The following PRRT4 variants were observed in gnomAD, a reference collection of about 807,000 sequenced individuals.
PRRT4 encodes proline rich transmembrane protein 4, also known as proline-rich transmembrane protein 4.
In PRRT4, 59 loss-of-function variants were observed where a neutral mutation model predicts 55.6. That is an observed-to-expected ratio of 1.06 (90% CI 0.86 to 1.32). The LOEUF (loss-of-function observed/expected upper bound fraction) is 1.32. Ranked by LOEUF, PRRT4 falls within the 40% of genes most tolerant of loss-of-function variation. The pLI is 0.00. For missense variants in PRRT4, 1,217 were observed against 1,222.0 expected (o/e 1.00, Z 0.06); for synonymous variants, 606 against 601.8 (o/e 1.01, Z -0.10).
chr7:128,359,707 A>C (rs1328354327), exon 2 of PRRT4: 2 of 1,551,436 alleles, frequency 1.3e-6, no homozygotes, highest in Non-Finnish European at 1.7e-6. Flanking sequence ...AAAGGGGGTC[A>C]GTCCTCAGCC....
chr7:128,361,673 T>C (rs1797263137), exon 1 of PRRT4: 1 of 152,206 alleles, frequency 6.6e-6, no homozygotes, highest in Non-Finnish European at 1.5e-5. Context: ...GCGCCGGGGC[T>C]CCGCGGCAGC....
chr7:128,351,990 C>A, exon 5 of PRRT4: 1 of 1,307,246 alleles, frequency 7.6e-7, no homozygotes, highest in Non-Finnish European at 9.7e-7. Flanking sequence ...CCCGCCGCCG[C>A]CGCCCGCCCC....
At chr7:128,361,103 T>TCTCTCTCA (rs1450661437) in intron 1 of PRRT4, among the ~76,000 whole-genome samples, 6 of 77,510 alleles carry the variant, frequency 7.7e-5, no homozygotes, top group African/African-American at 2.9e-4. Context: ...TCTCTCTCTC[T>TCTCTCTCA]CACACACACA....
intron 1 of PRRT4, among the ~76,000 whole-genome samples, chr7:128,360,688 G>GCTGGGC (rs1178406622): frequency 6.6e-6 from 1 of 152,122 alleles, no homozygotes; most frequent in Non-Finnish European, 1.5e-5. Context: ...GTTTCCTGGG[G>GCTGGGC]CTGGGCCTGT....
rs1381455603 is a variant in PRRT4 at position 128,352,189 on chromosome 7, G to A, written c.1367C>T (p.Ala456Val). ...GGGGCACCGCGGCGGGCGCGGCCGG[G>A]CCAGCAGCAGGCAGGCCAGCCCCAG... The change falls in exon 5 of 5, where the codon GCC becomes GTC. Residue 456 changes from alanine to valine, a missense_variant. By Grantham distance (64) the Ala-to-Val change is moderately conservative. Around this residue, in one of 3 missense-constraint regions of PRRT4, gnomAD observed 564 missense variants for 592.9 expected, o/e 0.95. Coordinates refer to ENST00000535159, the Ensembl canonical transcript of PRRT4. 13 of 1,474,746 alleles carry A rather than the reference G, an allele frequency of 8.8e-6. No homozygotes were observed. The South Asian group carries it at 1.5e-4, about 17-fold the overall frequency. The allele number at this position is 1,474,746 out of a possible 1,614,324, so 91.4% of individuals were successfully genotyped here.
rs1251431917 is a variant in PRRT4, at chr7:128,351,876, C to G, written c.1680G>C (p.Thr560=). Residue 560 remains threonine (T), a synonymous_variant, in exon 5 of 5, where the codon ACG becomes ACC. Coordinates refer to ENST00000535159, the Ensembl canonical transcript of PRRT4. ...GCCCGAAGGTGCCCGCCACCGGGGC[C>G]GTGCGCGCCGCGCGCCGCCAGGACT... The G allele has an allele frequency of 2.3e-6, 3 of 1,328,038 alleles. No homozygotes were observed. In the Admixed American group the frequency reaches 1.2e-4, roughly 55 times the overall value. The allele number at this position is 1,328,038 out of a possible 1,614,324, so 82.3% of individuals were successfully genotyped here. A position where few individuals can be genotyped will look rare whatever the true frequency, so the allele number is the denominator to read the frequency against.
At chr7:128,350,688 C>T, downstream of PRRT4, 1 of 1,079,256 alleles carries the variant, frequency 9.3e-7, no homozygotes, top group Non-Finnish European at 1.3e-6. Context: ...GATTCCCAAT[C>T]GATAGAGCCT....
At position 128,351,194 on chromosome 7, in the gene PRRT4, C is replaced by A; in HGVS notation, c.2362G>T (p.Glu788Ter). ...GGCCAAGCCCCAGGGGAGGGGAGCT[C>A]CGGGGGCGCAGCGGGGCCAGAGGCC... The change falls in exon 5 of 5, where the codon GAG becomes TAG. Residue 788 changes from glutamate (E) to a stop codon, truncating the protein, a stop_gained. Transcript: ENST00000535159. LOFTEE classifies it high-confidence loss of function. The A allele has an allele frequency of 6.5e-7, 1 of 1,542,306 alleles. No individual in the cohort carries two copies.
chr7:128,358,769 TG>T lies in PRRT4; in HGVS notation c.788del (p.Pro263HisfsTer20). ...TGGAGAGCTTCCTCTCCAGGGAGTATGGGGGCAGGGACAGAGTGGTACCAAG... is the reference window on the plus strand; with the variant it reads ...TGGAGAGCTTCCTCTCCAGGGAGTATGGGGCAGGGACAGAGTGGTACCAAG... On this transcript the variant is annotated frameshift_variant, in exon 4 of 5. Transcript: ENST00000535159. LOFTEE classifies it high-confidence loss of function. The surrounding 1 kb of genome is among the most constrained non-coding windows in gnomAD (Gnocchi z 4.4). 1 of 1,551,038 alleles carries T rather than the reference TG, an allele frequency of 6.4e-7. No homozygotes were observed. Among genetic ancestry groups the T allele is most frequent in the East Asian group, 2.4e-5 (1 of 40,900 alleles).
exon 5 of PRRT4, chr7:128,352,540 G>T: frequency 6.5e-7 from 1 of 1,544,290 alleles, no homozygotes. Context: ...GGGCCTCGGC[G>T]CCTCGGGAGG....
chr7:128,351,843 G>T, exon 5 of PRRT4: 1 of 1,364,668 alleles, frequency 7.3e-7, no homozygotes, highest in Non-Finnish European at 9.4e-7. Flanking sequence ...GCAGGGCTCC[G>T]CTCAGCAGCC....
At chr7:128,352,377 C>A (rs772320885) in exon 5 of PRRT4, 2 of 1,524,650 alleles carry the variant, frequency 1.3e-6, no homozygotes, top group South Asian at 1.2e-5. Context: ...GGGCGCCGGG[C>A]GGGCACCGCC....
At chr7:128,350,773 G>C, downstream of PRRT4, 1 of 1,504,786 alleles carries the variant, frequency 6.6e-7, no homozygotes, top group Non-Finnish European at 8.9e-7. Flanking sequence ...AGGGAGGATT[G>C]GGGAAGGATT....
At chr7:128,361,159 A>T (rs1797246834) in intron 1 of PRRT4, 147 bp downstream of exon 2, 1 of 152,630 alleles carries the variant, frequency 6.6e-6, no homozygotes, top group African/African-American at 2.5e-5. Context: ...CTGTACAGAG[A>T]TGCACACCCC....
chr7:128,354,608 T>C (rs1797075047), intron 4 of PRRT4, among the ~76,000 whole-genome samples: 1 of 147,100 alleles, frequency 6.8e-6, no homozygotes, highest in Non-Finnish European at 1.5e-5. Flanking sequence ...CACACAACAG[T>C]TCTTAAAAAT....
rs73458956 is a variant in PRRT4, at chr7:128,359,864, C to G, written c.128G>C (p.Ser43Thr). The G allele has an allele frequency of 9.0e-4, 1,325 of 1,480,136 alleles. 9 individuals are homozygous for G. In the African/African-American group the frequency reaches 0.017, roughly 19 times the overall value. The allele number at this position is 1,480,136 out of a possible 1,614,324, so 91.7% of individuals were successfully genotyped here. A position where few individuals can be genotyped will look rare whatever the true frequency, so the allele number is the denominator to read the frequency against. ...GTTGAGAGACAGCATAGAGGCCTCA[C>G]TTTGAGGTACGGGGGTCAAAGTGGT... The change falls in exon 2 of 5, where the codon AGT becomes ACT. Residue 43 changes from serine to threonine, a missense_variant. Physicochemically the swap from Ser to Thr is moderately conservative, Grantham distance 58 (BLOSUM62 1). Coordinates refer to ENST00000535159, the Ensembl canonical transcript of PRRT4.
exon 2 of PRRT4, chr7:128,359,540 C>T (rs1313587404): frequency 9.4e-6 from 14 of 1,485,290 alleles, no homozygotes; most frequent in Non-Finnish European, 1.3e-5. Flanking sequence ...GGTCACAGTG[C>T]TCCTCCTGGG....
chr7:128,354,599 ACAC>A (rs1432073847), intron 4 of PRRT4, among the ~76,000 whole-genome samples: 3 of 151,874 alleles, frequency 2.0e-5, no homozygotes, highest in Non-Finnish European at 4.4e-5. Context: ...ACACACACAC[ACAC>A]AACAGTTCTT....
chr7:128,359,197 C>T (rs1487250215), exon 3 of PRRT4: 1 of 1,551,734 alleles, frequency 6.4e-7, no homozygotes, highest in Admixed American at 2.0e-5. Context: ...GTAGTTTCAC[C>T]TGGGGGGCTC....
Sources: allele counts gnomAD v4.1 joint callset (sites outside exome capture counted in the v4.1 genomes callset), GRCh38; gene constraint gnomAD v4.1.1; regional missense constraint gnomAD v4.1.1; non-coding constraint Gnocchi (gnomAD v3.1); transcripts MANE v1.5; gene names NCBI Gene and HGNC (gene_info 2026-07-23, HGNC 2026-07-21).